ZNF585B: variants seen among roughly 807,000 people sequenced by gnomAD.
The protein encoded by ZNF585B is zinc finger protein 585B, also known as zinc finger protein 41-like protein.
ZNF585B carries 7 observed loss-of-function variants against 14.0 expected under a neutral mutation model. The observed-to-expected ratio is 0.50, with a 90% confidence interval of 0.28 to 0.94. The LOEUF (loss-of-function observed/expected upper bound fraction) is 0.94, where lower values mean the gene tolerates loss of function less well. ZNF585B is among the 40% of genes least tolerant of loss of function. ZNF585B has a pLI of 0.09. For synonymous variants in ZNF585B, 290 were observed against 317.3 expected, an observed-to-expected ratio of 0.91 and a Z score of 0.91; for missense variants, 750 against 924.4, an observed-to-expected ratio of 0.81 and a Z score of 2.45.
rs1972300968 is a variant in ZNF585B, at chr19:37,184,432, GAAAGAAA to G, written c.*788_*794del. ...AGAAAGAAAGAGAAAGAAAGAAAAAGAAAGAAAGAAGGAAAGAAAGAAAGAAAGAAAG... is the reference window on the plus strand; with the variant it reads ...AGAAAGAAAGAGAAAGAAAGAAAAAGGAAGGAAAGAAAGAAAGAAAGAAAG... On this transcript the variant is annotated 3_prime_UTR_variant, in exon 5 of 5. Transcript: ENST00000532828. 2 of 57,520 alleles carry G rather than the reference GAAAGAAA, an allele frequency of 3.5e-5. No homozygotes were observed. Among genetic ancestry groups the G allele is most frequent in the Non-Finnish European group, 6.5e-5 (2 of 30,666 alleles). 3.6% of individuals were successfully genotyped at this position (57,520 alleles called of 1,614,324 possible).
intron 2 of ZNF585B, among the ~76,000 whole-genome samples, chr19:37,202,534 C>T (rs1599768198): frequency 3.3e-5 from 5 of 152,016 alleles, no homozygotes; most frequent in Admixed American, 2.6e-4. Context: ...GTTGAATCAA[C>T]ATTTTAATTC....
intron 2 of ZNF585B, among the ~76,000 whole-genome samples, chr19:37,192,400 G>T (rs749469089): frequency 6.6e-6 from 1 of 151,824 alleles, no homozygotes; most frequent in Non-Finnish European, 1.5e-5. Flanking sequence ...GGGTAAGGGG[G>T]ACATTGCCCA....
chr19:37,195,110 C>T (rs1227440311), intron 2 of ZNF585B, among the ~76,000 whole-genome samples: 1 of 151,552 alleles, frequency 6.6e-6, no homozygotes, highest in Non-Finnish European at 1.5e-5. Flanking sequence ...TTTGGGGGGC[C>T]GAGGCGGGTG....
intron 2 of ZNF585B, among the ~76,000 whole-genome samples, chr19:37,204,600 AGTCT>A (rs921330448): frequency 2.0e-5 from 3 of 152,200 alleles, no homozygotes; most frequent in Non-Finnish European, 4.4e-5. Context: ...TTTGAGACAA[AGTCT>A]ATCTCTTTCA....
At position 37,186,962 on chromosome 19, in the gene ZNF585B, C is replaced by T. The variant is rs1388990492; in HGVS notation, c.575G>A (p.Gly192Glu). The change falls in exon 5 of 5, where the codon GGA becomes GAA. Residue 192 changes from glycine (G) to glutamate (E), a missense_variant. Physicochemically the swap from Gly to Glu is moderately conservative, Grantham distance 98. Around this residue, in one of 2 missense-constraint regions of ZNF585B, gnomAD observed 517 missense variants for 570.3 expected, o/e 0.91. Coordinates refer to ENST00000532828, the MANE Select transcript of ZNF585B (RefSeq NM_152279.4). ...AGACGATACTTGAAAAAAGGATTTT[C>T]CACATTCATTGCACTTATAGGGCTT... ...REKPYKCNECGKSFFQVSSLF... is the reference protein window; with the variant it reads ...REKPYKCNECEKSFFQVSSLF... 4 of 1,614,018 alleles carry T rather than the reference C, an allele frequency of 2.5e-6. No individual in the cohort carries two copies. The highest frequency in any genetic ancestry group is 3.4e-6 in the Non-Finnish European group (4 of 1,180,036).
chr19:37,203,697 C>A (rs1053631700), intron 2 of ZNF585B, among the ~76,000 whole-genome samples: 1 of 152,204 alleles, frequency 6.6e-6, no homozygotes, highest in Non-Finnish European at 1.5e-5. Flanking sequence ...GGTGTAATCT[C>A]GGCTCACCGA....
At chr19:37,199,096 C>T (rs12459637) in intron 2 of ZNF585B, 328,504 of 1,138,044 alleles carry the variant, frequency 0.29, 50,750 homozygotes, top group East Asian at 0.56. Context: ...CTTTATCATA[C>T]ACTTGTATAG....
At position 37,181,612 on chromosome 19, in the gene ZNF585B, C is replaced by T. The variant is rs1267764031; in HGVS notation, c.*3615G>A. ...GCATCTTTATTCATAATCAACAAAA[C>T]TTGGAAGCAATTAAGGTGTCCTTCA... On this transcript the variant is annotated 3_prime_UTR_variant, in exon 5 of 5. Coordinates refer to ENST00000532828, the MANE Select transcript of ZNF585B (RefSeq NM_152279.4). 6.7e-6 allele frequency: 1 copy of T among 150,230 alleles called. No homozygotes were observed. The highest frequency in any genetic ancestry group is 2.5e-5 in the African/African-American group (1 of 40,708). 9.3% of individuals were successfully genotyped at this position (150,230 alleles called of 1,614,324 possible).
intron 2 of ZNF585B, among the ~76,000 whole-genome samples, chr19:37,205,337 ACT>A (rs1206769625): frequency 2.0e-5 from 3 of 152,144 alleles, no homozygotes; most frequent in Non-Finnish European, 2.9e-5. Context: ...TGCAGATGAG[ACT>A]CTCACCACGT....
intron 2 of ZNF585B, among the ~76,000 whole-genome samples, chr19:37,201,142 A>G (rs1489871435): frequency 6.6e-6 from 1 of 152,114 alleles, no homozygotes; most frequent in Non-Finnish European, 1.5e-5. Flanking sequence ...GAAATGTACA[A>G]GGACTCCAAA....
chr19:37,191,381 G>C (rs1466902937), intron 2 of ZNF585B, among the ~76,000 whole-genome samples: 1 of 152,104 alleles, frequency 6.6e-6, no homozygotes, highest in Non-Finnish European at 1.5e-5. Flanking sequence ...ACTTTGGGAG[G>C]CCAAGGTAGG....
At position 37,191,193 on chromosome 19, in the gene ZNF585B, A is replaced by C. The variant is rs1972396334; in HGVS notation, c.73-1043T>G. 1.3e-5 allele frequency among the ~76,000 whole-genome samples: 2 copies of C among 152,244 alleles called. 1 individual carries two copies. The highest frequency in any genetic ancestry group is 2.9e-5 in the Non-Finnish European group (2 of 68,038). On this transcript the variant is annotated intron_variant, in intron 2 of 4. Transcript: ENST00000532828. ...TAAATGCAACAATCTTTATTTTGCC[A>C]TTTGACCTTGTGACAAATGTATACA...
intron 2 of ZNF585B, among the ~76,000 whole-genome samples, chr19:37,196,753 T>C (rs1293607748): frequency 6.6e-6 from 1 of 152,230 alleles, no homozygotes; most frequent in Non-Finnish European, 1.5e-5. Context: ...AAGCATTTTC[T>C]TTTCTCTAGC....
rs1214805376 is a variant in ZNF585B, at chr19:37,183,091, T to C, written c.*2136A>G. On this transcript the variant is annotated 3_prime_UTR_variant, in exon 5 of 5. Transcript: ENST00000532828. The stretch of plus-strand genomic sequence containing the variant: ...CTGAGGAAAAATGAGCAGGGAGTCT[T>C]TTGCAATCATGTTGGAGCTGTGGGA... 1 of 152,124 alleles carries C rather than the reference T, an allele frequency of 6.6e-6. No individual in the cohort carries two copies. Among genetic ancestry groups the C allele is most frequent in the Non-Finnish European group, 1.5e-5 (1 of 68,046 alleles). The allele number at this position is 152,124 out of a possible 1,614,324, so 9.4% of individuals were successfully genotyped here. A position where few individuals can be genotyped will look rare whatever the true frequency, so the allele number is the denominator to read the frequency against.
At chr19:37,190,696 G>A (rs879388410) in intron 2 of ZNF585B, among the ~76,000 whole-genome samples, 2 of 151,788 alleles carry the variant, frequency 1.3e-5, no homozygotes, top group Non-Finnish European at 2.9e-5. Flanking sequence ...CTCCTGAGTA[G>A]CTGGGATTAC....
At position 37,186,431 on chromosome 19, in the gene ZNF585B, A is replaced by G. The variant is rs1599761901; in HGVS notation, c.1106T>C (p.Leu369Ser). ...AGTGTGAATTCTCTGATGAATAATC[A>G]ACTCTGACCTGTAGGTAAAGGCCTT... ...CGKAFTYRSE[L>S]IIHQRIHTGE... The change falls in exon 5 of 5, where the codon TTG becomes TCG. Residue 369 changes from leucine to serine, a missense_variant. Around this residue, in one of 2 missense-constraint regions of ZNF585B, gnomAD observed 517 missense variants for 570.3 expected, o/e 0.91. Coordinates refer to ENST00000532828, the MANE Select transcript of ZNF585B (RefSeq NM_152279.4). The G allele has an allele frequency of 1.2e-6, 2 of 1,614,082 alleles. No individual in the cohort carries two copies. The highest frequency in any genetic ancestry group is 1.7e-6 in the Non-Finnish European group (2 of 1,179,996).
chr19:37,186,423 G>GAATA lies in ZNF585B; in HGVS notation c.1110_1113dup (p.His372TyrfsTer13). The GAATA allele has an allele frequency of 6.2e-7, 1 of 1,614,128 alleles. No homozygotes were observed. Among genetic ancestry groups the GAATA allele is most frequent in the Non-Finnish European group, 8.5e-7 (1 of 1,180,000 alleles). On this transcript the variant is annotated frameshift_variant, in exon 5 of 5. Coordinates refer to ENST00000532828, the MANE Select transcript of ZNF585B (RefSeq NM_152279.4). LOFTEE classifies it low-confidence loss of function (END_TRUNC). Reference sequence around the variant, plus strand: ...TTCTCTCCAGTGTGAATTCTCTGATGAATAATCAACTCTGACCTGTAGGTA... The same window carrying GAATA: ...TTCTCTCCAGTGTGAATTCTCTGATGAATAAATAATCAACTCTGACCTGTAGGTA...
intron 2 of ZNF585B, among the ~76,000 whole-genome samples, chr19:37,197,429 C>T (rs563325338): frequency 6.6e-5 from 10 of 152,158 alleles, no homozygotes; most frequent in South Asian, 6.2e-4. Flanking sequence ...TGAATAGTGC[C>T]GCAATAAACA....
chr19:37,199,042 G>A lies in ZNF585B; in HGVS notation c.72+7998C>T, dbSNP rs1052779630. 7 of 1,516,836 alleles carry A rather than the reference G, an allele frequency of 4.6e-6. No homozygotes were observed. In the African/African-American group the frequency reaches 8.3e-5, roughly 18 times the overall value. The allele number at this position is 1,516,836 out of a possible 1,614,324, so 94.0% of individuals were successfully genotyped here. On this transcript the variant is annotated intron_variant, in intron 2 of 4. Transcript: ENST00000532828. ...CTCAGAACATCATTTCTTTGAAAAT[G>A]GTACCTATATACCTGAAAAGAATAT...
Sources: gnomAD v4.1 joint callset for allele counts (sites outside exome capture counted in the v4.1 genomes callset) on GRCh38, gnomAD v4.1.1 for gene constraint, gnomAD v4.1.1 regional missense constraint, MANE v1.5 for transcripts, NCBI Gene and HGNC (gene_info 2026-07-23, HGNC 2026-07-21) for gene names.